NOS1AP: variants seen among roughly 807,000 people sequenced by gnomAD.
NOS1AP encodes nitric oxide synthase 1 adaptor protein.
Under a neutral mutation model 56.2 loss-of-function variants are expected in NOS1AP, and 21 were observed. That is an observed-to-expected ratio of 0.37 (90% CI 0.26 to 0.54). NOS1AP has a LOEUF of 0.54. Ranked by LOEUF, NOS1AP falls within the 20% of genes least tolerant of loss-of-function variation. The pLI is 0.84. For synonymous variants in NOS1AP, 270 were observed against 274.6 expected, an observed-to-expected ratio of 0.98 and a Z score of 0.17; for missense variants, 522 against 657.8, an observed-to-expected ratio of 0.79 and a Z score of 2.26.
At chr1:162,350,001 G>A (rs151143112) in intron 6 of NOS1AP, among the ~76,000 whole-genome samples, 1 of 152,210 alleles carries the variant, frequency 6.6e-6, no homozygotes, top group Non-Finnish European at 1.5e-5. Flanking sequence ...TAAACTGCTA[G>A]GAATGTGTTT....
At chr1:162,245,897 T>C (rs1653645105) in intron 2 of NOS1AP, among the ~76,000 whole-genome samples, 1 of 152,238 alleles carries the variant, frequency 6.6e-6, no homozygotes, top group South Asian at 2.1e-4. Flanking sequence ...GGATTAACGT[T>C]TACGTTTTTC....
At chr1:162,207,916 A>C (rs909140339) in intron 2 of NOS1AP, among the ~76,000 whole-genome samples, 2 of 152,230 alleles carry the variant, frequency 1.3e-5, no homozygotes, top group Admixed American at 6.5e-5. Flanking sequence ...GCCTGAAAAA[A>C]ATAGTAATTC....
At chr1:162,352,717 T>C (rs377095834) in intron 6 of NOS1AP, among the ~76,000 whole-genome samples, 3 of 152,132 alleles carry the variant, frequency 2.0e-5, no homozygotes, top group East Asian at 1.9e-4. Context: ...ACATCGCTTC[T>C]TATAAGGGCA....
chr1:162,147,962 T>G lies in NOS1AP; in HGVS notation c.106-6443T>G, dbSNP rs868675813. ...GGGATGCAGGAATGCTACAGAAGTCTTACAGAAGGCTAGGTGATTAAAAAT... is the reference window on the plus strand; with the variant it reads ...GGGATGCAGGAATGCTACAGAAGTCGTACAGAAGGCTAGGTGATTAAAAAT... On this transcript the variant is annotated intron_variant, in intron 1 of 9. Coordinates refer to ENST00000361897, the MANE Select transcript of NOS1AP (RefSeq NM_014697.3). Among the ~76,000 whole-genome samples, 17 of 152,208 alleles carry G rather than the reference T, an allele frequency of 1.1e-4. 1 individual carries two copies. The highest frequency in any genetic ancestry group is 4.1e-4 in the African/African-American group (17 of 41,542).
At chr1:162,149,765 T>A (rs1248519832) in intron 1 of NOS1AP, among the ~76,000 whole-genome samples, 1 of 152,252 alleles carries the variant, frequency 6.6e-6, no homozygotes, top group Admixed American at 6.5e-5. Flanking sequence ...AGGTTATTTA[T>A]TCCAGACACA....
At chr1:162,289,464 C>T (rs1655212385) in intron 3 of NOS1AP, among the ~76,000 whole-genome samples, 7 of 45,050 alleles carry the variant, frequency 1.6e-4, no homozygotes, top group African/African-American at 1.6e-4. Flanking sequence ...CGCCCAGCTA[C>T]TTTTCTTTTT....
At position 162,168,641 on chromosome 1, in the gene NOS1AP, G is replaced by T. The variant is rs189341037; in HGVS notation, c.177+14165G>T. Among the ~76,000 whole-genome samples the T allele has an allele frequency of 3.3e-5, 5 of 151,468 alleles. No homozygotes were observed. In the East Asian group the frequency reaches 7.7e-4, roughly 23 times the overall value. ...TGTGCTGAGGCTTGTGGGCAGGGGGGTGTGTTTCTCTTTCCTTCTCCCCTT... is the reference window on the plus strand; with the variant it reads ...TGTGCTGAGGCTTGTGGGCAGGGGGTTGTGTTTCTCTTTCCTTCTCCCCTT... On this transcript the variant is annotated intron_variant, in intron 2 of 9. Transcript: ENST00000361897.
intron 4 of NOS1AP, among the ~76,000 whole-genome samples, chr1:162,321,731 A>AAAAAATATATATAT (rs1480278757): frequency 7.8e-6 from 1 of 128,494 alleles, no homozygotes; most frequent in African/African-American, 2.9e-5. Flanking sequence ...AAAAAAAAAA[A>AAAAAATATATATAT]ATATATATAT....
rs10589803 is a variant in NOS1AP, at chr1:162,144,568, C to CTTTCTTTTCT, written c.106-9822_106-9813dup. 8.4e-4 allele frequency among the ~76,000 whole-genome samples: 127 copies of CTTTCTTTTCT among 151,464 alleles called. 2 individuals carry two copies. The highest frequency in any genetic ancestry group is 4.0e-3 in the Admixed American group (61 of 15,212). On this transcript the variant is annotated intron_variant, in intron 1 of 9. Coordinates refer to ENST00000361897, the MANE Select transcript of NOS1AP (RefSeq NM_014697.3). ...CCTTTGCCTCACACCATGTGTTGGA[C>CTTTCTTTTCT]TTTCTTTTCTTTTCTTTTCTTTTCC...
intron 1 of NOS1AP, among the ~76,000 whole-genome samples, chr1:162,114,586 A>G (rs997299169): frequency 6.6e-6 from 1 of 152,170 alleles, no homozygotes; most frequent in Non-Finnish European, 1.5e-5. Context: ...GACATATACA[A>G]AATATCATCA....
chr1:162,190,436 A>G (rs546792329), intron 2 of NOS1AP, among the ~76,000 whole-genome samples: 73 of 152,256 alleles, frequency 4.8e-4, no homozygotes, highest in African/African-American at 1.8e-3. Context: ...TTACATATGT[A>G]TACATGTTCT....
chr1:162,106,982 G>A (rs183478892), intron 1 of NOS1AP, among the ~76,000 whole-genome samples: 17 of 147,024 alleles, frequency 1.2e-4, no homozygotes, highest in African/African-American at 3.3e-4. Context: ...CACACTATTT[G>A]TAGTAGCAAA....
At chr1:162,079,950 G>T (rs1449213370) in intron 1 of NOS1AP, among the ~76,000 whole-genome samples, 1 of 152,180 alleles carries the variant, frequency 6.6e-6, no homozygotes, top group Non-Finnish European at 1.5e-5. Flanking sequence ...ATAAAAAGGG[G>T]TTAACTAGGT....
chr1:162,258,007 T>C (rs955992483), intron 2 of NOS1AP, among the ~76,000 whole-genome samples: 15 of 152,168 alleles, frequency 9.9e-5, no homozygotes, highest in Admixed American at 9.2e-4. Context: ...ATAAATTGTC[T>C]CTTGGCTAAA....
intron 2 of NOS1AP, among the ~76,000 whole-genome samples, chr1:162,231,305 A>T (rs1290302424): frequency 6.6e-6 from 1 of 152,118 alleles, no homozygotes; most frequent in Non-Finnish European, 1.5e-5. Context: ...TGTCTACTCA[A>T]GTCTTCTGCC....
At chr1:162,131,820 A>T (rs778425943) in intron 1 of NOS1AP, among the ~76,000 whole-genome samples, 1 of 152,080 alleles carries the variant, frequency 6.6e-6, no homozygotes, top group Non-Finnish European at 1.5e-5. Flanking sequence ...ATGATTTTAC[A>T]TATGGCCTCA....
At position 162,276,045 on chromosome 1, in the gene NOS1AP, G is replaced by C. The variant is rs1056849631; in HGVS notation, c.178-11299G>C. 2.6e-5 allele frequency among the ~76,000 whole-genome samples: 4 copies of C among 152,144 alleles called. No homozygotes were observed. In the East Asian group the frequency reaches 7.7e-4, roughly 29 times the overall value. On this transcript the variant is annotated intron_variant, in intron 2 of 9. Transcript: ENST00000361897. ...ATTGTCTATGGCTGTTTTTGTGCTG[G>C]AGCAAGAGAGTTGCATAGTTGCAAC...
intron 4 of NOS1AP, among the ~76,000 whole-genome samples, chr1:162,314,708 G>A (rs1473212694): frequency 6.6e-6 from 1 of 152,108 alleles, no homozygotes; most frequent in Non-Finnish European, 1.5e-5. Context: ...GCTGAAAACT[G>A]TATTTTCTCC....
intron 2 of NOS1AP, among the ~76,000 whole-genome samples, chr1:162,171,663 C>A (rs1186617824): frequency 6.6e-6 from 1 of 152,184 alleles, no homozygotes; most frequent in Non-Finnish European, 1.5e-5. Context: ...CTTAGGCCCT[C>A]ACCCTTTATT....
Sources: allele counts gnomAD v4.1 joint callset (sites outside exome capture counted in the v4.1 genomes callset), GRCh38; gene constraint gnomAD v4.1.1; transcripts MANE v1.5; gene names NCBI Gene and HGNC (gene_info 2026-07-23, HGNC 2026-07-21).